The following ADAMTSL3 variants were observed in gnomAD, a reference collection of about 807,000 sequenced individuals.
ADAMTSL3 encodes ADAMTS-like protein 3.
A neutral mutation model predicts 201.7 loss-of-function variants in ADAMTSL3; 128 were observed. The ratio of observed to expected loss-of-function variants is 0.63; its 90% confidence interval spans 0.55 to 0.73. The LOEUF is 0.73. Ranked by LOEUF, ADAMTSL3 falls within the 30% of genes least tolerant of loss-of-function variation. ADAMTSL3 has a pLI of 0.00. For missense variants in ADAMTSL3, 1,990 were observed against 2,119.6 expected (o/e 0.94, Z 1.20); for synonymous variants, 738 against 748.4 (o/e 0.99, Z 0.23).
At chr15:83,916,840 T>G (rs1258413682) in intron 16 of ADAMTSL3, among the ~76,000 whole-genome samples, 1 of 152,190 alleles carries the variant, frequency 6.6e-6, no homozygotes, top group Non-Finnish European at 1.5e-5. Flanking sequence ...GACTCCATGG[T>G]TCTTCACCAA....
chr15:83,662,361 G>A lies in ADAMTSL3; in HGVS notation c.69+6531G>A, dbSNP rs376238742. Among the ~76,000 whole-genome samples the A allele has an allele frequency of 4.0e-3, 579 of 143,226 alleles. 15 individuals are homozygous for A. The East Asian group carries it at 0.071, about 18-fold the overall frequency. The allele number at this position is 143,226 out of a possible 152,430, so 94.0% of individuals were successfully genotyped here. ...CACCGCATATTCTCACTCATAGGTGGGAATTGAACAGTGAGATCACATGGA... is the reference window on the plus strand; with the variant it reads ...CACCGCATATTCTCACTCATAGGTGAGAATTGAACAGTGAGATCACATGGA... On this transcript the variant is annotated intron_variant, in intron 2 of 29. Transcript: ENST00000286744.
intron 23 of ADAMTSL3, 134 bp from the exon 24 acceptor site, chr15:84,014,408 G>A (rs892857438): frequency 2.5e-6 from 2 of 796,728 alleles, no homozygotes; most frequent in African/African-American, 1.7e-5. Flanking sequence ...AATAGAAATA[G>A]CCATTTTTCC....
intron 15 of ADAMTSL3, among the ~76,000 whole-genome samples, chr15:83,911,437 T>C (rs771228126): frequency 5.9e-5 from 9 of 152,226 alleles, no homozygotes; most frequent in Non-Finnish European, 1.3e-4. Context: ...TTTAAATGAC[T>C]ACATATTATT....
At chr15:83,827,581 T>C (rs1264294908) in intron 6 of ADAMTSL3, among the ~76,000 whole-genome samples, 1 of 152,224 alleles carries the variant, frequency 6.6e-6, no homozygotes, top group African/African-American at 2.4e-5. Context: ...CATGAAGTCC[T>C]TACCCATGCC....
intron 3 of ADAMTSL3, among the ~76,000 whole-genome samples, chr15:83,733,078 C>T (rs922523748): frequency 9.2e-5 from 14 of 152,112 alleles, no homozygotes; most frequent in African/African-American, 2.9e-4. Context: ...CCATTTTCTG[C>T]GTTTCATTAA....
At chr15:84,012,950 A>G (rs996304404) in intron 23 of ADAMTSL3, among the ~76,000 whole-genome samples, 10 of 152,240 alleles carry the variant, frequency 6.6e-5, no homozygotes, top group African/African-American at 2.4e-4. Context: ...ACTAATAACT[A>G]TTGAGAATGA....
At chr15:83,997,089 A>G (rs1316267761) in intron 23 of ADAMTSL3, among the ~76,000 whole-genome samples, 1 of 152,192 alleles carries the variant, frequency 6.6e-6, no homozygotes, top group Non-Finnish European at 1.5e-5. Flanking sequence ...CAAGTCAAAG[A>G]TGCTCAAAAC....
chr15:83,921,828 GCACACCCAC>G (rs753453411), intron 16 of ADAMTSL3, among the ~76,000 whole-genome samples: 1 of 149,218 alleles, frequency 6.7e-6, no homozygotes, highest in Non-Finnish European at 1.5e-5. Context: ...GGGACTATAG[GCACACCCAC>G]CACACCCAGC....
chr15:84,008,198 C>T (rs576969147), intron 23 of ADAMTSL3, among the ~76,000 whole-genome samples: 1 of 152,270 alleles, frequency 6.6e-6, no homozygotes, highest in East Asian at 1.9e-4. Context: ...CAACCTCTAC[C>T]TCCTGGGTTC....
chr15:83,852,162 G>A (rs754513253), intron 7 of ADAMTSL3, among the ~76,000 whole-genome samples: 17 of 151,988 alleles, frequency 1.1e-4, no homozygotes, highest in Non-Finnish European at 1.8e-4. Flanking sequence ...GCCCAGGCTG[G>A]TGTTCAGTGG....
At chr15:83,656,049 A>G (rs1035897632) in intron 2 of ADAMTSL3, among the ~76,000 whole-genome samples, 6 of 152,076 alleles carry the variant, frequency 3.9e-5, no homozygotes, top group African/African-American at 1.4e-4. Flanking sequence ...GTAGGGCTTT[A>G]ATAGCACTGT....
chr15:84,025,213 A>G (rs768889378), intron 26 of ADAMTSL3, 25 bp from the exon 27 acceptor site: 3 of 1,562,298 alleles, frequency 1.9e-6, no homozygotes, highest in African/African-American at 1.4e-5. Flanking sequence ...AGTCCTTACT[A>G]AAGTCCTGTA....
intron 17 of ADAMTSL3, among the ~76,000 whole-genome samples, chr15:83,929,713 G>A (rs373724495): frequency 6.7e-6 from 1 of 150,230 alleles, no homozygotes; most frequent in Non-Finnish European, 1.5e-5. Context: ...GAGAGACAGA[G>A]AGAGACAGAG....
At chr15:83,896,615 G>C (rs947123806) in intron 13 of ADAMTSL3, among the ~76,000 whole-genome samples, 6 of 152,210 alleles carry the variant, frequency 3.9e-5, no homozygotes, top group Admixed American at 1.3e-4. Context: ...GGGGAAAAAG[G>C]GGTGAAGGGG....
At chr15:83,908,778 A>C (rs543294797) in intron 15 of ADAMTSL3, among the ~76,000 whole-genome samples, 2 of 152,360 alleles carry the variant, frequency 1.3e-5, no homozygotes, top group South Asian at 4.1e-4. Context: ...GGTGTAAAAC[A>C]ACACAAATGT....
intron 6 of ADAMTSL3, among the ~76,000 whole-genome samples, chr15:83,837,055 T>C (rs2064286906): frequency 6.6e-6 from 1 of 152,130 alleles, no homozygotes; most frequent in Admixed American, 6.5e-5. Flanking sequence ...AGGAAGCTTA[T>C]AATATAGCAA....
At chr15:83,822,199 G>A (rs1236410274) in intron 6 of ADAMTSL3, among the ~76,000 whole-genome samples, 2 of 150,044 alleles carry the variant, frequency 1.3e-5, no homozygotes, top group East Asian at 4.0e-4. Flanking sequence ...CCTCCCGGAC[G>A]GGGTGGCTGC....
At chr15:83,721,539 T>C (rs1473665023) in intron 3 of ADAMTSL3, among the ~76,000 whole-genome samples, 1 of 152,146 alleles carries the variant, frequency 6.6e-6, no homozygotes, top group East Asian at 1.9e-4. Context: ...CCTACTCAGT[T>C]ATAATCCAGT....
intron 3 of ADAMTSL3, among the ~76,000 whole-genome samples, chr15:83,745,110 A>G (rs972932620): frequency 2.6e-5 from 4 of 152,236 alleles, no homozygotes; most frequent in African/African-American, 9.6e-5. Flanking sequence ...AAGCAACTGG[A>G]CATCAGAGAG....
Sources: allele counts gnomAD v4.1 joint callset (sites outside exome capture counted in the v4.1 genomes callset), GRCh38; gene constraint gnomAD v4.1.1; transcripts MANE v1.5; gene names NCBI Gene and HGNC (gene_info 2026-07-23, HGNC 2026-07-21).